The following DNAH17 variants were observed in gnomAD, a reference collection of about 807,000 sequenced individuals.
DNAH17 encodes dynein axonemal heavy chain 17.
A neutral mutation model predicts 485.6 loss-of-function variants in DNAH17; 376 were observed. The observed-to-expected ratio is 0.77, with a 90% CI of 0.71 to 0.84. The LOEUF is 0.84. DNAH17 is among the 40% of genes least tolerant of loss of function. DNAH17 has a pLI of 0.00. For synonymous variants in DNAH17, 3,031 were observed against 2,405.9 expected (o/e 1.26, Z -7.60); for missense variants, 6,370 against 5,839.3 (o/e 1.09, Z -2.96).
In DNAH17 at chr17:78,507,259, G is replaced by A; in HGVS notation, c.4676+19C>T. 1 of 1,613,448 alleles carries A rather than the reference G, an allele frequency of 6.2e-7. No homozygotes were observed. Among genetic ancestry groups the A allele is most frequent in the Non-Finnish European group, 8.5e-7 (1 of 1,179,582 alleles). On this transcript the variant is annotated intron_variant, in intron 29 of 80. Coordinates refer to ENST00000389840, the MANE Select transcript of DNAH17 (RefSeq NM_173628.4). ...TCTGCACCACTGACTCCCCTGGTCT[G>A]GATAGGTGTGAGCCGCACCTCTTCT...
intron 44 of DNAH17, among the ~76,000 whole-genome samples, chr17:78,486,986 CTTTT>C (rs200078316): frequency 2.7e-4 from 35 of 128,578 alleles, no homozygotes; most frequent in Middle Eastern, 3.9e-3. Flanking sequence ...CCCCTTGGTG[CTTTT>C]TTTTTTTTTT....
At chr17:78,441,016 C>T (rs547824204) in intron 72 of DNAH17, 35 bp downstream of exon 72, 12 of 1,553,510 alleles carry the variant, frequency 7.7e-6, no homozygotes, top group Admixed American at 5.9e-5. Flanking sequence ...GACAATACTC[C>T]GTCTTTGAGA....
In DNAH17 at chr17:78,561,033, G is replaced by A. The variant is rs112065526; in HGVS notation, c.1836-98C>T. ...GCTGCCCGATCTGGGGTGCCGAAGCGGCCGGCCACCCAATTACTCGAGGCT... is the reference window on the plus strand; with the variant it reads ...GCTGCCCGATCTGGGGTGCCGAAGCAGCCGGCCACCCAATTACTCGAGGCT... On this transcript the variant is annotated intron_variant, in intron 12 of 80. Transcript: ENST00000389840. 3,314 of 1,183,072 alleles carry A rather than the reference G, an allele frequency of 2.8e-3. 48 individuals carry two copies. The African/African-American group carries it at 0.038, about 13-fold the overall frequency. 73.3% of individuals were successfully genotyped at this position (1,183,072 alleles called of 1,614,324 possible).
chr17:78,460,091 C>G, intron 59 of DNAH17, 71 bp downstream of exon 59: 1 of 1,584,072 alleles, frequency 6.3e-7, no homozygotes, highest in Non-Finnish European at 8.6e-7. Context: ...GTGTCACCAC[C>G]CACGCCAACA....
chr17:78,425,519 G>T lies in DNAH17; in HGVS notation c.12968C>A (p.Ala4323Asp). Residue 4323 changes from alanine (A) to aspartate (D), a missense_variant, in exon 80 of 81, where the codon GCC (alanine) becomes GAC (aspartate). By Grantham distance (126) the Ala-to-Asp change is moderately radical. Transcript: ENST00000389840. ...GAACGACTGGGGGTTGAAGAAGCCG[G>T]CCAGCCACACGGTGGTGGGCAGGGC... The part of the protein sequence containing the change: ...DFALPTTVWL[A>D]GFFNPQSFLT... The T allele has an allele frequency of 6.2e-7, 1 of 1,613,770 alleles. No individual in the cohort carries two copies.
In DNAH17 at chr17:78,507,740, T is replaced by C. The variant is rs1598611830; in HGVS notation, c.4302A>G (p.Thr1434=). 6.2e-7 allele frequency: 1 copy of C among 1,602,456 alleles called. No individual in the cohort carries two copies. Among genetic ancestry groups the C allele is most frequent in the Non-Finnish European group, 8.5e-7 (1 of 1,178,714 alleles). Residue 1434 remains threonine (T), a synonymous_variant, in exon 28 of 81, where the codon ACA becomes ACG. Coordinates refer to ENST00000389840, the MANE Select transcript of DNAH17 (RefSeq NM_173628.4). Reference sequence around the variant, plus strand: ...CGCTGGACTTGAGCATCATGGTGCCTGTCCGCGGGTGCGGCTCGTGCTGGA... The same window carrying C: ...CGCTGGACTTGAGCATCATGGTGCCCGTCCGCGGGTGCGGCTCGTGCTGGA... ...MEFQHEPHPR[T]GTMMLKSSEV...
chr17:78,475,641 C>A (rs763170508), intron 53 of DNAH17, 28 bp downstream of exon 53: 2 of 1,611,768 alleles, frequency 1.2e-6, no homozygotes, highest in Admixed American at 3.3e-5. Context: ...AGGTCCCGTG[C>A]CCTTGCTATC....
intron 75 of DNAH17, among the ~76,000 whole-genome samples, chr17:78,432,367 C>T (rs532582688): frequency 1.1e-4 from 14 of 130,686 alleles, no homozygotes; most frequent in Non-Finnish European, 1.9e-4. Context: ...AATGTCCGGC[C>T]GGCACCCTGC....
chr17:78,445,592 T>C lies in DNAH17; in HGVS notation c.11300A>G (p.Asp3767Gly), dbSNP rs781009570. Reference sequence around the variant, plus strand: ...GCCCCAGCCTTGATGCTGGAGGAAGTCCACTGGTGAGACCACTCCGGCCTT... The same window carrying C: ...GCCCCAGCCTTGATGCTGGAGGAAGCCCACTGGTGAGACCACTCCGGCCTT... ...PFKAGVVSPV[D>G]FLQHQGWGGI... The change falls in exon 70 of 81, where the codon GAC (aspartate) becomes GGC (glycine). Residue 3767 changes from aspartate to glycine, a missense_variant. Physicochemically the swap from Asp to Gly is moderately conservative, Grantham distance 94 (BLOSUM62 -1). Coordinates refer to ENST00000389840, the MANE Select transcript of DNAH17 (RefSeq NM_173628.4). 2 of 1,563,540 alleles carry C rather than the reference T, an allele frequency of 1.3e-6. No individual in the cohort carries two copies.
chr17:78,520,901 C>T (rs1266667890), intron 25 of DNAH17, among the ~76,000 whole-genome samples: 2 of 152,084 alleles, frequency 1.3e-5, no homozygotes, highest in Non-Finnish European at 2.9e-5. Flanking sequence ...TGGAAAAGTA[C>T]AAGTCCTAGA....
At chr17:78,485,855 T>A (rs563798482) in intron 46 of DNAH17, 98 bp from the exon 47 acceptor site, 1 of 1,571,196 alleles carries the variant, frequency 6.4e-7, no homozygotes, top group South Asian at 1.2e-5. Context: ...GTCCTAATGT[T>A]GAAAATCGGT....
rs776624867 is a variant in DNAH17 at position 78,485,648 on chromosome 17, G to A, written c.7385C>T (p.Ser2462Leu). 8 of 1,613,900 alleles carry A rather than the reference G, an allele frequency of 5.0e-6. No individual in the cohort carries two copies. Among genetic ancestry groups the A allele is most frequent in the Admixed American group, 1.7e-5 (1 of 60,022 alleles). Reference protein sequence around the residue: ...MLVGNAGTGKSVLMGDKLESL... With the variant: ...MLVGNAGTGKLVLMGDKLESL... ...TTCCAGCTTGTCCCCCATCAGCACC[G>A]ACTTGCCCGTCCCCGCGTTCCCCAC... The change falls in exon 47 of 81, where the codon TCG (serine) becomes TTG (leucine). Residue 2462 changes from serine to leucine, a missense_variant. By Grantham distance (145) the Ser-to-Leu change is moderately radical. Coordinates refer to ENST00000389840, the MANE Select transcript of DNAH17 (RefSeq NM_173628.4).
chr17:78,462,415 G>A (rs1313982010), intron 57 of DNAH17, among the ~76,000 whole-genome samples: 1 of 152,154 alleles, frequency 6.6e-6, no homozygotes, highest in African/African-American at 2.4e-5. Flanking sequence ...GGGACTGCAC[G>A]ATGGAGGAGG....
chr17:78,547,191 T>G (rs894461589), intron 16 of DNAH17, among the ~76,000 whole-genome samples: 3 of 152,344 alleles, frequency 2.0e-5, no homozygotes, highest in Admixed American at 1.3e-4. Context: ...ATGCTCTCCT[T>G]GGTACTCTAG....
chr17:78,536,255 T>C (rs1054886133), intron 19 of DNAH17, among the ~76,000 whole-genome samples: 12 of 151,814 alleles, frequency 7.9e-5, no homozygotes, highest in African/African-American at 2.2e-4. Context: ...CTGGCCAACA[T>C]GGTGAAACCC....
At chr17:78,432,579 G>A (rs72907463) in intron 75 of DNAH17, among the ~76,000 whole-genome samples, 21,602 of 152,196 alleles carry the variant, frequency 0.14, 1,678 homozygotes, top group Middle Eastern at 0.2. Flanking sequence ...GGAGGTCGTT[G>A]TCCTCCAGTC....
chr17:78,532,454 G>C, intron 20 of DNAH17, 28 bp downstream of exon 20: 1 of 1,584,262 alleles, frequency 6.3e-7, no homozygotes, highest in Non-Finnish European at 8.6e-7. Flanking sequence ...TGGAGACAAG[G>C]AGGCTGGTGG....
chr17:78,426,737 C>G (rs969980898), intron 78 of DNAH17, 137 bp from the exon 79 acceptor site: 1 of 1,341,126 alleles, frequency 7.5e-7, no homozygotes, highest in African/African-American at 1.5e-5. Flanking sequence ...CAGGGCCACG[C>G]AAGCGCTTCC....
chr17:78,454,734 G>T (rs757261275), intron 63 of DNAH17, 29 bp from the exon 64 acceptor site: 1 of 1,571,148 alleles, frequency 6.4e-7, no homozygotes, highest in Non-Finnish European at 8.7e-7. Context: ...TTTCTTAGAG[G>T]GGGTAATGCG....
Sources: gnomAD v4.1 joint callset for allele counts (sites outside exome capture counted in the v4.1 genomes callset) on GRCh38, gnomAD v4.1.1 for gene constraint, MANE v1.5 for transcripts, NCBI Gene and HGNC (gene_info 2026-07-23, HGNC 2026-07-21) for gene names.